Variants in INPP4B observed in about 807,000 individuals in gnomAD.
INPP4B encodes the protein inositol polyphosphate-4-phosphatase type II B, also known as inositol polyphosphate 4-phosphatase type II.
In INPP4B, 55 loss-of-function variants were observed where a neutral mutation model predicts 122.5. The ratio of observed to expected loss-of-function variants is 0.45; its 90% CI spans 0.36 to 0.56. The LOEUF is 0.56. Among genes scored for constraint, INPP4B ranks in the 20% least tolerant of loss-of-function variants. INPP4B has a pLI of 0.00. For synonymous variants in INPP4B, 403 were observed against 388.7 expected, an observed-to-expected ratio of 1.04 and a Z score of -0.43; for missense variants, 1,000 against 1,097.7, an observed-to-expected ratio of 0.91 and a Z score of 1.26.
Position 142,062,062 on chromosome 4 carries a change from T to C in INPP4B, c.2642+19969A>G, listed in dbSNP as rs1761191934. On this transcript the variant is annotated intron_variant, in intron 25 of 25. Coordinates refer to ENST00000262992, the MANE Select transcript of INPP4B (RefSeq NM_001101669.3). Reference sequence around the variant, plus strand: ...TTGCAAGTATGCTAAATTCATTTTGTCAAACAAAAGTGATTCTTTGAAATG... The same window carrying C: ...TTGCAAGTATGCTAAATTCATTTTGCCAAACAAAAGTGATTCTTTGAAATG... Among the ~76,000 whole-genome samples the C allele has an allele frequency of 5.9e-5, 9 of 152,180 alleles. No individual in the cohort carries two copies. In the South Asian group the frequency reaches 1.9e-3, roughly 32 times the overall value.
chr4:142,485,895 C>T (rs919453568), intron 2 of INPP4B, among the ~76,000 whole-genome samples: 1 of 152,130 alleles, frequency 6.6e-6, no homozygotes, highest in African/African-American at 2.4e-5. Flanking sequence ...CCCTTTGCTC[C>T]TTTACACACA....
intron 2 of INPP4B, among the ~76,000 whole-genome samples, chr4:142,586,778 G>C (rs1224348790): frequency 1.3e-5 from 2 of 152,094 alleles, no homozygotes; most frequent in African/African-American, 4.8e-5. Context: ...TTAATGAAAG[G>C]GGAAGGCAAG....
At chr4:142,818,864 A>AC (rs1424899047) in intron 1 of INPP4B, among the ~76,000 whole-genome samples, 2 of 152,110 alleles carry the variant, frequency 1.3e-5, no homozygotes, top group African/African-American at 4.8e-5. Context: ...TTACATTTTT[A>AC]CCCATAGTGT....
At chr4:142,060,942 A>AGG (rs1760326789) in intron 25 of INPP4B, among the ~76,000 whole-genome samples, 1 of 152,200 alleles carries the variant, frequency 6.6e-6, no homozygotes, top group African/African-American at 2.4e-5. Flanking sequence ...TTACTTATAA[A>AGG]GAGTATTAAA....
chr4:142,041,531 T>A (rs1747515872), intron 25 of INPP4B, among the ~76,000 whole-genome samples: 1 of 152,032 alleles, frequency 6.6e-6, no homozygotes, highest in Non-Finnish European at 1.5e-5. Flanking sequence ...GGCAAGAGAA[T>A]CACTTGAACC....
chr4:142,272,846 A>G (rs1746518755), intron 9 of INPP4B, among the ~76,000 whole-genome samples: 1 of 152,058 alleles, frequency 6.6e-6, no homozygotes, highest in Admixed American at 6.6e-5. Context: ...TATCTATAAA[A>G]ACTAAACACG....
chr4:142,171,408 T>A (rs1825569996), intron 16 of INPP4B, among the ~76,000 whole-genome samples: 1 of 151,828 alleles, frequency 6.6e-6, no homozygotes, highest in Non-Finnish European at 1.5e-5. Flanking sequence ...ACCAGGGGAC[T>A]CTCCATGAAG....
chr4:142,644,355 C>T (rs1293890463), intron 2 of INPP4B, among the ~76,000 whole-genome samples: 2 of 151,888 alleles, frequency 1.3e-5, no homozygotes, highest in African/African-American at 2.4e-5. Context: ...CCTGTTTCCA[C>T]TTATCCTGTC....
intron 11 of INPP4B, among the ~76,000 whole-genome samples, chr4:142,242,885 G>T (rs1429448048): frequency 1.3e-5 from 2 of 152,112 alleles, no homozygotes; most frequent in African/African-American, 4.8e-5. Context: ...TATGTGTGGG[G>T]GGAGTGGTGG....
At chr4:142,619,926 C>T (rs1178351759) in intron 2 of INPP4B, among the ~76,000 whole-genome samples, 2 of 152,002 alleles carry the variant, frequency 1.3e-5, no homozygotes, top group Non-Finnish European at 2.9e-5. Flanking sequence ...AACACAGAAT[C>T]ATAGTCCTAA....
At chr4:142,179,472 C>CA (rs71586262) in intron 15 of INPP4B, among the ~76,000 whole-genome samples, 52,469 of 73,000 alleles carry the variant, frequency 0.72, 19,059 homozygotes, top group Non-Finnish European at 0.8. Flanking sequence ...AACTCCATCT[C>CA]AAAAAAAAAA....
chr4:142,394,091 A>C (rs1798573887), intron 7 of INPP4B, among the ~76,000 whole-genome samples: 1 of 152,190 alleles, frequency 6.6e-6, no homozygotes, highest in Admixed American at 6.5e-5. Flanking sequence ...GTACCAATTT[A>C]CATTCCCACC....
intron 2 of INPP4B, among the ~76,000 whole-genome samples, chr4:142,632,141 G>A (rs1187684483): frequency 6.6e-6 from 1 of 152,148 alleles, no homozygotes; most frequent in Non-Finnish European, 1.5e-5. Flanking sequence ...AGTAAATTAA[G>A]TAGAATTAGG....
chr4:142,838,789 T>G (rs1783128837), intron 1 of INPP4B, among the ~76,000 whole-genome samples: 1 of 152,226 alleles, frequency 6.6e-6, no homozygotes, highest in Admixed American at 6.5e-5. Flanking sequence ...TCTATTCATT[T>G]AAAACTTCAA....
At chr4:142,246,505 C>A (rs1056426206) in intron 11 of INPP4B, among the ~76,000 whole-genome samples, 7 of 152,080 alleles carry the variant, frequency 4.6e-5, no homozygotes, top group African/African-American at 7.2e-5. Context: ...TTGCAGAGGT[C>A]CTTCATATCC....
intron 1 of INPP4B, among the ~76,000 whole-genome samples, chr4:142,750,592 A>T (rs149804351): frequency 3.9e-5 from 6 of 152,252 alleles, no homozygotes; most frequent in African/African-American, 1.2e-4. Flanking sequence ...AAAGTGGCAC[A>T]TAAGCTGGGA....
intron 2 of INPP4B, among the ~76,000 whole-genome samples, chr4:142,566,532 G>T (rs1252191492): frequency 2.0e-5 from 3 of 152,154 alleles, no homozygotes; most frequent in Non-Finnish European, 4.4e-5. Context: ...ATATTTGAAG[G>T]TATTATTGAG....
rs1014356817 is a variant in INPP4B, at chr4:142,431,381, T to A, written c.-122A>T. ...GATCTGATATCCCACTCTGAAATTC[T>A]GTACCTAGGAAACATCAAAAGTTAA... On this transcript the variant is annotated 5_prime_UTR_variant, in exon 4 of 26. Coordinates refer to ENST00000262992, the MANE Select transcript of INPP4B (RefSeq NM_001101669.3). 1.4e-6 allele frequency: 1 copy of A among 700,314 alleles called. No individual in the cohort carries two copies. Among genetic ancestry groups the A allele is most frequent in the Non-Finnish European group, 2.5e-6 (1 of 402,422 alleles). The allele number at this position is 700,314 out of a possible 1,614,324, so 43.4% of individuals were successfully genotyped here.
chr4:142,222,413 A>T (rs1849724876), intron 12 of INPP4B, among the ~76,000 whole-genome samples: 1 of 152,208 alleles, frequency 6.6e-6, no homozygotes. Context: ...ATTTATGTAC[A>T]TGACTACCCT....
Sources: allele counts gnomAD v4.1 joint callset (sites outside exome capture counted in the v4.1 genomes callset), GRCh38; gene constraint gnomAD v4.1.1; transcripts MANE v1.5; gene names NCBI Gene and HGNC (gene_info 2026-07-23, HGNC 2026-07-21).